The following SASH1 variants were observed in gnomAD, a reference collection of about 807,000 sequenced individuals.
The protein encoded by SASH1 is SAM and SH3 domain containing 1.
SASH1 carries 44 observed loss-of-function variants against 125.2 expected under a neutral mutation model. The observed-to-expected ratio is 0.35, with a 90% confidence interval of 0.28 to 0.45. SASH1 has a LOEUF of 0.45. Among genes scored for constraint, SASH1 ranks in the 20% least tolerant of loss-of-function variants. SASH1 has a pLI of 1.00. For synonymous variants in SASH1, 639 were observed against 649.1 expected, an observed-to-expected ratio of 0.98 and a Z score of 0.24; for missense variants, 1,426 against 1,614.5, an observed-to-expected ratio of 0.88 and a Z score of 2.00.
chr6:148,247,989 T>C, the SASH1 span, among the ~76,000 whole-genome samples: 1 of 152,224 alleles, frequency 6.6e-6, no homozygotes, highest in Non-Finnish European at 1.5e-5. Flanking sequence ...CATTGGCATA[T>C]ATTTATGATG....
At chr6:148,295,793 A>T (rs1262849938) in intron 1 of SASH1, among the ~76,000 whole-genome samples, 1 of 152,198 alleles carries the variant, frequency 6.6e-6, no homozygotes, top group Non-Finnish European at 1.5e-5. Flanking sequence ...CCCAGCACAA[A>T]GAAGGGCTGT....
intron 1 of SASH1, among the ~76,000 whole-genome samples, chr6:148,357,251 AG>A (rs1781982076): frequency 1.3e-5 from 2 of 152,246 alleles, no homozygotes; most frequent in South Asian, 4.1e-4. Context: ...TAAATAATGT[AG>A]GGTTCCTGGT....
chr6:148,424,130 T>C (rs1391851939), intron 2 of SASH1, among the ~76,000 whole-genome samples: 1 of 152,132 alleles, frequency 6.6e-6, no homozygotes, highest in Non-Finnish European at 1.5e-5. Context: ...CACCTGGCTC[T>C]GCTTGCCCTC....
intron 1 of SASH1, among the ~76,000 whole-genome samples, chr6:148,300,635 T>C (rs77518936): frequency 0.056 from 8,503 of 151,800 alleles, 324 homozygotes; most frequent in Admixed American, 0.11. Context: ...TATATTTATA[T>C]TCTTACTGGC....
chr6:148,428,398 G>A (rs1775914332), intron 2 of SASH1, among the ~76,000 whole-genome samples: 1 of 152,190 alleles, frequency 6.6e-6, no homozygotes, highest in Non-Finnish European at 1.5e-5. Context: ...GGAGGCCAAG[G>A]CAGGCGGATC....
At position 148,514,462 on chromosome 6, in the gene SASH1, A is replaced by G. The variant is rs1286263560; in HGVS notation, c.862+6A>G. On this transcript the variant is annotated splice_donor_region_variant and intron_variant, in intron 9 of 19. Transcript: ENST00000367467. ...GAAAAAACCCAGCACTGAAGGTAAA[A>G]AAAAAAAAAAAAAAAAAAAAAAAAG... The G allele has an allele frequency of 1.8e-6, 1 of 552,778 alleles. No homozygotes were observed. The highest frequency in any genetic ancestry group is 2.4e-6 in the Non-Finnish European group (1 of 423,662). The allele number at this position is 552,778 out of a possible 1,614,324, so 34.2% of individuals were successfully genotyped here.
intron 8 of SASH1, among the ~76,000 whole-genome samples, chr6:148,496,128 G>C (rs912544651): frequency 6.6e-6 from 1 of 152,022 alleles, no homozygotes. Flanking sequence ...AATTATAGGC[G>C]TGTTTGATAA....
chr6:148,272,858 G>A (rs1019104151), intron 1 of SASH1, among the ~76,000 whole-genome samples: 5 of 152,104 alleles, frequency 3.3e-5, no homozygotes, highest in African/African-American at 1.2e-4. Context: ...TTTTACTGAA[G>A]GAGTTTTCTT....
At chr6:148,193,500 G>A in the SASH1 span, among the ~76,000 whole-genome samples, 3 of 152,154 alleles carry the variant, frequency 2.0e-5, no homozygotes, top group African/African-American at 4.8e-5. Context: ...TGGCTAAAAT[G>A]TTTGCTTCCC....
rs1251552565 is a variant in SASH1 at position 148,534,776 on chromosome 6, A to G, written c.1970A>G (p.Asn657Ser). 8 of 1,614,196 alleles carry G rather than the reference A, an allele frequency of 5.0e-6. No individual in the cohort carries two copies. Among genetic ancestry groups the G allele is most frequent in the South Asian group, 1.1e-5 (1 of 91,086 alleles). Reference protein sequence around the residue: ...LKEHMPTFLFNGYEDLDTFKL... With the variant: ...LKEHMPTFLFSGYEDLDTFKL... Reference sequence around the variant, plus strand: ...GAGCACATGCCCACTTTCCTGTTCAATGGATATGAAGATTTGGACACCTTT... The same window carrying G: ...GAGCACATGCCCACTTTCCTGTTCAGTGGATATGAAGATTTGGACACCTTT... Residue 657 changes from asparagine to serine, a missense_variant, in exon 16 of 20, where the codon AAT becomes AGT. Transcript: ENST00000367467.
intron 4 of SASH1, among the ~76,000 whole-genome samples, chr6:148,454,316 A>G (rs1777236917): frequency 6.6e-6 from 1 of 152,170 alleles, no homozygotes; most frequent in Non-Finnish European, 1.5e-5. Context: ...GCAGGGCCCC[A>G]TGCCCACACT....
intron 1 of SASH1, among the ~76,000 whole-genome samples, chr6:148,292,956 G>A (rs1328043519): frequency 6.6e-6 from 1 of 152,022 alleles, no homozygotes; most frequent in East Asian, 1.9e-4. Context: ...GGAGGCTGAG[G>A]CAGGAGAATC....
chr6:148,399,788 TGGCCAG>T (rs1784103678), intron 2 of SASH1, among the ~76,000 whole-genome samples: 1 of 141,680 alleles, frequency 7.1e-6, no homozygotes, highest in South Asian at 2.2e-4. Flanking sequence ...ATCCAGGGTT[TGGCCAG>T]GGCTTGGCCA....
the SASH1 span, among the ~76,000 whole-genome samples, chr6:148,251,848 A>G: frequency 3.0e-5 from 3 of 99,010 alleles, no homozygotes; most frequent in African/African-American, 1.2e-4. Flanking sequence ...CCACCCCACA[A>G]CAGTCCCCAG....
chr6:148,387,465 TTCTCTTCTCTTCTCTTCCCTTCCCTTC>T (rs1001661123), intron 1 of SASH1, among the ~76,000 whole-genome samples: 4 of 151,154 alleles, frequency 2.6e-5, no homozygotes, highest in Non-Finnish European at 5.9e-5. Context: ...TTCTTCTCTT[TTCTCTTCTCTTCTCTTCCCTTCCCTTC>T]TCTCTTCTCT....
At chr6:148,248,620 G>A in the SASH1 span, among the ~76,000 whole-genome samples, 1 of 152,120 alleles carries the variant, frequency 6.6e-6, no homozygotes, top group Admixed American at 6.5e-5. Context: ...CCATCAGCTT[G>A]GTGTAATGTT....
At chr6:148,542,994 A>G (rs1267431487) in intron 17 of SASH1, among the ~76,000 whole-genome samples, 1 of 152,226 alleles carries the variant, frequency 6.6e-6, no homozygotes, top group Non-Finnish European at 1.5e-5. Flanking sequence ...ATCAACTACC[A>G]GTCGTCAGAT....
intron 2 of SASH1, among the ~76,000 whole-genome samples, chr6:148,411,100 G>A (rs59712297): frequency 0.051 from 7,524 of 147,036 alleles, 238 homozygotes; most frequent in Non-Finnish European, 0.073. Flanking sequence ...CAGAGGTTGC[G>A]GTGAGCTGAG....
chr6:148,454,165 C>T (rs1420517993), intron 4 of SASH1, among the ~76,000 whole-genome samples: 1 of 152,100 alleles, frequency 6.6e-6, no homozygotes, highest in African/African-American at 2.4e-5. Flanking sequence ...GAGTTGTTGA[C>T]GTCCTTCCTC....
Sources: allele counts gnomAD v4.1 joint callset (sites outside exome capture counted in the v4.1 genomes callset), GRCh38; gene constraint gnomAD v4.1.1; transcripts MANE v1.5; gene names NCBI Gene and HGNC (gene_info 2026-07-23, HGNC 2026-07-21).